Variants in ELP4 observed in about 807,000 individuals in gnomAD.
ELP4 encodes the protein elongator acetyltransferase complex subunit 4, also known as elongator complex protein 4.
In ELP4, 51 loss-of-function variants were observed where a neutral mutation model predicts 48.9. The ratio of observed to expected loss-of-function variants is 1.04; its 90% CI spans 0.83 to 1.32. The LOEUF (loss-of-function observed/expected upper bound fraction) is 1.32, where lower values mean the gene tolerates loss of function less well. ELP4 is among the 40% of genes most tolerant of loss of function. ELP4 has a pLI of 0.00. For missense variants in ELP4, 519 were observed against 514.6 expected, an observed-to-expected ratio of 1.01 and a Z score of -0.08; for synonymous variants, 210 against 189.2, an observed-to-expected ratio of 1.11 and a Z score of -0.90.
intron 9 of ELP4, among the ~76,000 whole-genome samples, chr11:31,738,528 G>A (rs891371506): frequency 1.3e-5 from 2 of 152,104 alleles, no homozygotes; most frequent in Admixed American, 1.3e-4. Context: ...TTGAGGCTAC[G>A]AGTTCGAAAC....
intron 9 of ELP4, chr11:31,763,496 G>A (rs1306765959): frequency 1.2e-6 from 2 of 1,611,180 alleles, no homozygotes; most frequent in African/African-American, 1.3e-5. Context: ...GACTCTGCAT[G>A]GGGAGAAGGT....
intron 6 of ELP4, among the ~76,000 whole-genome samples, chr11:31,631,030 A>T (rs969502273): frequency 6.6e-6 from 1 of 152,196 alleles, no homozygotes; most frequent in African/African-American, 2.4e-5. Context: ...TCTTAGTTAC[A>T]TAGTCCTGAC....
chr11:31,789,904 T>A lies in ELP4; in HGVS notation c.*6380T>A. On this transcript the variant is annotated 3_prime_UTR_variant, in exon 10 of 10. Coordinates refer to ENST00000640961, the MANE Select transcript of ELP4 (RefSeq NM_019040.5). ...GTCACTGACTGAATTAACACAATAT[T>A]TCCTTTCCTTTTTTTTTTTTTTTTT... 1 of 1,535,890 alleles carries A rather than the reference T, an allele frequency of 6.5e-7. No homozygotes were observed. The highest frequency in any genetic ancestry group is 8.9e-7 in the Non-Finnish European group (1 of 1,125,840).
At chr11:31,685,975 T>G (rs77173369) in intron 9 of ELP4, among the ~76,000 whole-genome samples, 348 of 151,966 alleles carry the variant, frequency 2.3e-3, no homozygotes, top group African/African-American at 7.9e-3. Flanking sequence ...TAAATGATTA[T>G]AGCACATTAA....
rs1404813669 is a variant in ELP4 at position 31,785,019 on chromosome 11, A to G, written c.*1495A>G. The G allele has an allele frequency of 5.5e-6, 1 of 180,796 alleles. No individual in the cohort carries two copies. The highest frequency in any genetic ancestry group is 9.1e-5 in the East Asian group (1 of 11,024). 11.2% of individuals were successfully genotyped at this position (180,796 alleles called of 1,614,324 possible). A position where few individuals can be genotyped will look rare whatever the true frequency, so the allele number is the denominator to read the frequency against. ...TATTTTTTTCATTTCTTTTAATTCT[A>G]AAGACACAGATTCTTCCCCATTTTC... On this transcript the variant is annotated 3_prime_UTR_variant, in exon 10 of 10. Coordinates refer to ENST00000640961, the MANE Select transcript of ELP4 (RefSeq NM_019040.5).
At chr11:31,605,550 G>T (rs1373842474) in intron 5 of ELP4, among the ~76,000 whole-genome samples, 1 of 152,074 alleles carries the variant, frequency 6.6e-6, no homozygotes, top group East Asian at 1.9e-4. Context: ...CATTAACAGA[G>T]TGCTTAGGAA....
chr11:31,691,530 C>A (rs934743798), intron 9 of ELP4, among the ~76,000 whole-genome samples: 1 of 151,980 alleles, frequency 6.6e-6, no homozygotes, highest in Non-Finnish European at 1.5e-5. Flanking sequence ...GATTTAGTGT[C>A]TTGCTTTTAG....
intron 9 of ELP4, among the ~76,000 whole-genome samples, chr11:31,772,080 T>C (rs1374562534): frequency 6.6e-6 from 1 of 152,044 alleles, no homozygotes; most frequent in East Asian, 1.9e-4. Flanking sequence ...CCATGTTTTG[T>C]TTCCTTAAAA....
At chr11:31,573,003 G>T (rs1223590771) in intron 3 of ELP4, among the ~76,000 whole-genome samples, 9 of 152,040 alleles carry the variant, frequency 5.9e-5, no homozygotes, top group Non-Finnish European at 4.4e-5. Flanking sequence ...GCAAGACTCT[G>T]TCTCAAAAAA....
chr11:31,574,028 C>G (rs946937043), intron 3 of ELP4, among the ~76,000 whole-genome samples: 6 of 152,306 alleles, frequency 3.9e-5, no homozygotes, highest in South Asian at 2.1e-4. Context: ...AGTCGTTGCC[C>G]TTAATGATCT....
At chr11:31,732,532 A>G (rs913527509) in intron 9 of ELP4, among the ~76,000 whole-genome samples, 3 of 152,194 alleles carry the variant, frequency 2.0e-5, no homozygotes, top group Non-Finnish European at 2.9e-5. Context: ...GACAGAAAAC[A>G]ACAAAATGGC....
chr11:31,576,279 A>C (rs1045348699), intron 3 of ELP4, among the ~76,000 whole-genome samples: 1 of 152,254 alleles, frequency 6.6e-6, no homozygotes, highest in Admixed American at 6.5e-5. Context: ...AGGAGCACCC[A>C]GATTCATAAA....
intron 3 of ELP4, among the ~76,000 whole-genome samples, chr11:31,593,524 G>T (rs925488362): frequency 2.6e-5 from 4 of 152,086 alleles, no homozygotes; most frequent in African/African-American, 9.7e-5. Flanking sequence ...AGGATTATAG[G>T]TGTGAGACAC....
intron 9 of ELP4, among the ~76,000 whole-genome samples, chr11:31,700,188 GGTATAC>G (rs1010621957): frequency 2.6e-5 from 4 of 151,526 alleles, no homozygotes; most frequent in Non-Finnish European, 5.9e-5. Flanking sequence ...ACTAATTATG[GGTATAC>G]GTATATGCTT....
intron 3 of ELP4, among the ~76,000 whole-genome samples, chr11:31,547,800 A>G (rs1448311033): frequency 1.3e-5 from 2 of 152,168 alleles, no homozygotes; most frequent in African/African-American, 2.4e-5. Flanking sequence ...GATCAAGTGG[A>G]CTTCATCCCT....
intron 3 of ELP4, among the ~76,000 whole-genome samples, chr11:31,559,613 T>C (rs1375327785): frequency 6.6e-6 from 1 of 152,114 alleles, no homozygotes; most frequent in Non-Finnish European, 1.5e-5. Context: ...ATAAAGAAAA[T>C]CAGTTTTGGG....
intron 9 of ELP4, among the ~76,000 whole-genome samples, chr11:31,717,529 G>A (rs1946866268): frequency 6.6e-6 from 1 of 152,134 alleles, no homozygotes; most frequent in South Asian, 2.1e-4. Context: ...GCTGAAGTGG[G>A]CGGATCACAA....
At chr11:31,695,186 A>G (rs1344270087) in intron 9 of ELP4, among the ~76,000 whole-genome samples, 1 of 152,144 alleles carries the variant, frequency 6.6e-6, no homozygotes, top group East Asian at 1.9e-4. Flanking sequence ...AGAACTTCCA[A>G]CACTATGTTG....
intron 2 of ELP4, among the ~76,000 whole-genome samples, chr11:31,526,923 C>G (rs1956304107): frequency 6.6e-6 from 1 of 151,928 alleles, no homozygotes; most frequent in African/African-American, 2.4e-5. Flanking sequence ...TCCACTATTG[C>G]TTTTTCTCTT....
Sources: allele counts gnomAD v4.1 joint callset (sites outside exome capture counted in the v4.1 genomes callset), GRCh38; gene constraint gnomAD v4.1.1; transcripts MANE v1.5; gene names NCBI Gene and HGNC (gene_info 2026-07-23, HGNC 2026-07-21).